NRG1: variants seen among roughly 807,000 people sequenced by gnomAD.
NRG1 encodes pro-neuregulin-1, membrane-bound isoform.
NRG1 carries 18 observed loss-of-function variants against 63.8 expected under a neutral mutation model. The ratio of observed to expected loss-of-function variants is 0.28; its 90% CI spans 0.19 to 0.42. The LOEUF (loss-of-function observed/expected upper bound fraction) is 0.42. Among genes scored for constraint, NRG1 ranks in the 10% least tolerant of loss-of-function variants. The probability of loss-of-function intolerance (pLI) is 1.00; values close to 1 mark genes in which losing one functional copy is unlikely to be tolerated. For missense variants in NRG1, 762 were observed against 814.7 expected, an observed-to-expected ratio of 0.94 and a Z score of 0.79; for synonymous variants, 302 against 301.3, an observed-to-expected ratio of 1.00 and a Z score of -0.02.
chr8:32,555,154 A>G (rs1448058086), intron 1 of NRG1, among the ~76,000 whole-genome samples: 1 of 152,178 alleles, frequency 6.6e-6, no homozygotes, highest in East Asian at 1.9e-4. Context: ...TCCCTCTAGG[A>G]ATTTCCCCCA....
intron 1 of NRG1, among the ~76,000 whole-genome samples, chr8:31,982,371 G>A (rs573818686): frequency 6.6e-6 from 1 of 152,128 alleles, no homozygotes; most frequent in African/African-American, 2.4e-5. Flanking sequence ...TAAGTTATGG[G>A]AAGACCATTT....
intron 9 of NRG1, among the ~76,000 whole-genome samples, chr8:32,757,929 A>G (rs1274278014): frequency 6.6e-6 from 1 of 152,206 alleles, no homozygotes; most frequent in Non-Finnish European, 1.5e-5. Flanking sequence ...AAAAAGCAAT[A>G]GTGAAATGGT....
chr8:32,626,274 A>T (rs751752737), intron 5 of NRG1, among the ~76,000 whole-genome samples: 11 of 150,214 alleles, frequency 7.3e-5, no homozygotes, highest in South Asian at 6.2e-4. Context: ...CAAAGTAAAA[A>T]GTTTAATTGT....
At chr8:32,376,027 C>G (rs545660808) in intron 1 of NRG1, among the ~76,000 whole-genome samples, 14 of 152,338 alleles carry the variant, frequency 9.2e-5, no homozygotes, top group Middle Eastern at 3.4e-3. Flanking sequence ...ATTCAGCAGA[C>G]TAACCCAAGA....
In NRG1 at chr8:32,315,977, C is replaced by T. The variant is rs370274745; in HGVS notation, c.38-279851C>T. On this transcript the variant is annotated intron_variant, in intron 1 of 10. Coordinates refer to the NRG1 transcript ENST00000519301. The stretch of plus-strand genomic sequence containing the variant: ...AGTACATAGAAAGGAACAGAAACTG[C>T]GTATCTTGTCTTCCCAACTGAAAGG... 1.2e-4 allele frequency among the ~76,000 whole-genome samples: 17 copies of T among 144,542 alleles called. No homozygotes were observed. The East Asian group carries it at 1.3e-3, about 11-fold the overall frequency. The allele number at this position is 144,542 out of a possible 152,430, so 94.8% of individuals were successfully genotyped here. A position where few individuals can be genotyped will look rare whatever the true frequency, so the allele number is the denominator to read the frequency against.
At chr8:32,649,971 G>A (rs555303699) in intron 5 of NRG1, among the ~76,000 whole-genome samples, 2 of 152,250 alleles carry the variant, frequency 1.3e-5, no homozygotes, top group South Asian at 2.1e-4. Flanking sequence ...TTTTAAACTT[G>A]TCTTTAATTG....
chr8:31,678,548 A>G (rs1045722556), intron 1 of NRG1, among the ~76,000 whole-genome samples: 1 of 151,742 alleles, frequency 6.6e-6, no homozygotes, highest in Admixed American at 6.6e-5. Flanking sequence ...TTCTTCACTT[A>G]CGCTTTTTCC....
At chr8:31,681,248 T>C (rs1034820082) in intron 1 of NRG1, among the ~76,000 whole-genome samples, 1 of 152,120 alleles carries the variant, frequency 6.6e-6, no homozygotes. Context: ...TGAAGAATTT[T>C]AAAAACAAGA....
chr8:32,084,976 T>G (rs368530266), intron 1 of NRG1, among the ~76,000 whole-genome samples: 8 of 152,212 alleles, frequency 5.3e-5, no homozygotes, highest in African/African-American at 1.9e-4. Flanking sequence ...CCAGACAAGA[T>G]AGTGAATGAC....
At chr8:32,109,259 T>G (rs1356992512) in intron 1 of NRG1, among the ~76,000 whole-genome samples, 1 of 152,138 alleles carries the variant, frequency 6.6e-6, no homozygotes, top group Non-Finnish European at 1.5e-5. Flanking sequence ...CATTCTCCTT[T>G]TTCCCAAGGT....
At chr8:32,549,456 A>G (rs1833716657) in intron 1 of NRG1, among the ~76,000 whole-genome samples, 1 of 152,234 alleles carries the variant, frequency 6.6e-6, no homozygotes, top group South Asian at 2.1e-4. Flanking sequence ...TCAGCGAAGC[A>G]GATGAAATCT....
chr8:32,643,705 G>A (rs1456959693), intron 5 of NRG1, among the ~76,000 whole-genome samples: 2 of 152,180 alleles, frequency 1.3e-5, no homozygotes, highest in Non-Finnish European at 2.9e-5. Context: ...CCTGGAATGA[G>A]ACCATGGAAG....
chr8:32,524,967 G>A (rs1424950813), intron 1 of NRG1, among the ~76,000 whole-genome samples: 3 of 152,188 alleles, frequency 2.0e-5, no homozygotes, highest in Non-Finnish European at 4.4e-5. Flanking sequence ...AGTAGGAAAA[G>A]CTTTTCCGTT....
chr8:32,552,200 C>T (rs1489059262), intron 1 of NRG1, among the ~76,000 whole-genome samples: 4 of 140,746 alleles, frequency 2.8e-5, no homozygotes, highest in Non-Finnish European at 6.0e-5. Context: ...TGAGCCACGG[C>T]GCTTGGCCGC....
chr8:32,006,291 T>A (rs542493248), intron 1 of NRG1, among the ~76,000 whole-genome samples: 54 of 152,038 alleles, frequency 3.6e-4, no homozygotes, highest in Non-Finnish European at 6.8e-4. Context: ...CAAAAGGTCA[T>A]TATTGTTTAG....
At chr8:32,267,186 A>G (rs1851069055) in intron 1 of NRG1, among the ~76,000 whole-genome samples, 2 of 149,432 alleles carry the variant, frequency 1.3e-5, no homozygotes, top group East Asian at 3.9e-4. Flanking sequence ...GGAAGGAGAA[A>G]GAAGGAAGGA....
intron 1 of NRG1, among the ~76,000 whole-genome samples, chr8:31,832,479 A>G (rs1469768726): frequency 6.6e-6 from 1 of 152,076 alleles, no homozygotes; most frequent in Non-Finnish European, 1.5e-5. Flanking sequence ...GGCTGGTCTC[A>G]AACTCCTGGA....
chr8:32,489,399 A>G (rs1164433302), intron 1 of NRG1, among the ~76,000 whole-genome samples: 1 of 152,110 alleles, frequency 6.6e-6, no homozygotes, highest in African/African-American at 2.4e-5. Flanking sequence ...TCCTATTTAT[A>G]AAAAGACTGC....
intron 7 of NRG1, among the ~76,000 whole-genome samples, chr8:32,744,671 C>CTTACATT (rs1658180271): frequency 6.6e-6 from 1 of 152,016 alleles, no homozygotes; most frequent in Admixed American, 6.6e-5. Context: ...TTAAGTTACA[C>CTTACATT]TTACATTTTT....
Sources: gnomAD v4.1 joint callset for allele counts (sites outside exome capture counted in the v4.1 genomes callset) on GRCh38, gnomAD v4.1.1 for gene constraint, MANE v1.5 for transcripts, NCBI Gene and HGNC (gene_info 2026-07-23, HGNC 2026-07-21) for gene names.